DNAH17: variants seen among roughly 807,000 people sequenced by gnomAD.
DNAH17 encodes the protein dynein axonemal heavy chain 17.
Under a neutral mutation model 485.6 loss-of-function variants are expected in DNAH17, and 376 were observed. That is an observed-to-expected ratio of 0.77 (90% CI 0.71 to 0.84). DNAH17 has a LOEUF of 0.84. DNAH17 is among the 40% of genes least tolerant of loss of function. The pLI, the probability that DNAH17 is intolerant of heterozygous loss-of-function variation, is 0.00. For synonymous variants in DNAH17, 3,031 were observed against 2,405.9 expected (o/e 1.26, Z -7.60); for missense variants, 6,370 against 5,839.3 (o/e 1.09, Z -2.96).
chr17:78,451,669 T>G lies in DNAH17; in HGVS notation c.10534A>C (p.Ile3512Leu), dbSNP rs765744244. Reference protein sequence around the residue: ...GRNTIKKGKYIKIGDKEVEYH... With the variant: ...GRNTIKKGKYLKIGDKEVEYH... ...TCCACCTCCTTGTCACCGATCTTAA[T>G]GTACCTGGCGGTTGGTGGAGGAAAG... Residue 3512 changes from isoleucine to leucine, a missense_variant, in exon 66 of 81, where the codon ATT becomes CTT. Ile to Leu is a conservative substitution (Grantham distance 5, BLOSUM62 2). Transcript: ENST00000389840. 4 of 1,564,502 alleles carry G rather than the reference T, an allele frequency of 2.6e-6. No homozygotes were observed. The South Asian group carries it at 3.6e-5, about 14-fold the overall frequency.
chr17:78,459,345 C>CT, intron 60 of DNAH17, 137 bp from the exon 61 acceptor site: 1 of 821,850 alleles, frequency 1.2e-6, no homozygotes, highest in Non-Finnish European at 2.0e-6. Context: ...CAGGCTGGCC[C>CT]TAGAGGCCAC....
intron 42 of DNAH17, among the ~76,000 whole-genome samples, chr17:78,492,279 T>C (rs1271071148): frequency 6.6e-6 from 1 of 152,006 alleles, no homozygotes; most frequent in Non-Finnish European, 1.5e-5. Flanking sequence ...GCCCACCGAC[T>C]GAGGCCAGGG....
At chr17:78,519,480 C>G (rs1288554053) in intron 25 of DNAH17, among the ~76,000 whole-genome samples, 2 of 152,044 alleles carry the variant, frequency 1.3e-5, no homozygotes, top group Non-Finnish European at 2.9e-5. Flanking sequence ...AATAAAACAG[C>G]ACAAAAGTTA....
chr17:78,495,233 G>A, intron 38 of DNAH17, 136 bp from the exon 39 acceptor site: 1 of 1,180,044 alleles, frequency 8.5e-7, no homozygotes, highest in Non-Finnish European at 1.1e-6. Context: ...CTTCGGTCCT[G>A]GAGCCGGGCT....
In DNAH17 at chr17:78,530,296, G is replaced by A. The variant is rs1598651329; in HGVS notation, c.3284+47C>T. 3 of 1,548,624 alleles carry A rather than the reference G, an allele frequency of 1.9e-6. No homozygotes were observed. In the South Asian group the frequency reaches 3.6e-5, roughly 18 times the overall value. On this transcript the variant is annotated intron_variant, in intron 21 of 80. Transcript: ENST00000389840. ...CTCAAGTGGAAGGCCACTCCCTGGT[G>A]CTCTGCACATTCCTTGGGCTCCCCG...
intron 16 of DNAH17, among the ~76,000 whole-genome samples, chr17:78,546,862 G>A (rs949838901): frequency 5.1e-4 from 78 of 152,108 alleles, no homozygotes; most frequent in African/African-American, 1.8e-3. Context: ...CCGAGATTGT[G>A]CCATTGTACT....
chr17:78,550,615 A>T (rs1398425135), intron 16 of DNAH17, among the ~76,000 whole-genome samples: 6 of 152,268 alleles, frequency 3.9e-5, no homozygotes, highest in African/African-American at 7.2e-5. Context: ...CTAACCAGAG[A>T]GTCCTGGGGG....
At chr17:78,464,908 A>C (rs2088340002) in intron 56 of DNAH17, among the ~76,000 whole-genome samples, 2 of 152,194 alleles carry the variant, frequency 1.3e-5, no homozygotes, top group African/African-American at 4.8e-5. Context: ...TTTTAGCGCT[A>C]ATTTGATTTT....
At chr17:78,543,726 G>A (rs1055891719) in intron 17 of DNAH17, 131 bp downstream of exon 17, 7 of 1,377,254 alleles carry the variant, frequency 5.1e-6, no homozygotes, top group African/African-American at 2.8e-5. Context: ...CATCCAGCCA[G>A]GTCACAGACT....
At chr17:78,565,527 TGCCCAGGCC>T (rs1484152223) in intron 11 of DNAH17, among the ~76,000 whole-genome samples, 1 of 152,210 alleles carries the variant, frequency 6.6e-6, no homozygotes, top group Non-Finnish European at 1.5e-5. Context: ...CAGCCCAGGC[TGCCCAGGCC>T]AACCCAATTG....
intron 62 of DNAH17, among the ~76,000 whole-genome samples, chr17:78,457,657 CTTTTTTTTT>C (rs71160297): frequency 3.0e-5 from 2 of 66,786 alleles, no homozygotes; most frequent in Admixed American, 1.9e-4. Flanking sequence ...CCGTGCCTGG[CTTTTTTTTT>C]TTTTTTTTTT....
At chr17:78,566,835 G>T in intron 10 of DNAH17, 105 bp from the exon 11 acceptor site, 3 of 1,289,750 alleles carry the variant, frequency 2.3e-6, no homozygotes, top group African/African-American at 1.5e-5. Context: ...CTGAGGCGCA[G>T]CTGAATGTGC....
chr17:78,500,849 C>A, intron 35 of DNAH17: 1 of 240,832 alleles, frequency 4.2e-6, no homozygotes, highest in Non-Finnish European at 7.9e-6. Flanking sequence ...GGAGGAACCA[C>A]AACCGTGGAG....
At chr17:78,533,077 T>C (rs2091283821) in intron 19 of DNAH17, 1 of 216,312 alleles carries the variant, frequency 4.6e-6, no homozygotes, top group Non-Finnish European at 9.3e-6. Context: ...CCACGGGAAA[T>C]AGGAACCTTT....
rs369187985 is a variant in DNAH17, at chr17:78,470,136, C to T, written c.8512-1253G>A. Among the ~76,000 whole-genome samples, 6 of 138,898 alleles carry T rather than the reference C, an allele frequency of 4.3e-5. No homozygotes were observed. In the East Asian group the frequency reaches 6.4e-4, roughly 15 times the overall value. The allele number at this position is 138,898 out of a possible 152,430, so 91.1% of individuals were successfully genotyped here. On this transcript the variant is annotated intron_variant, in intron 54 of 80. Transcript: ENST00000389840. ...TTGCCCAGGCTGGAGTGCAGTGTCG[C>T]GATCTTGGCTCACTTCAACCTCCGC...
At position 78,501,824 on chromosome 17, in the gene DNAH17, G is replaced by T. The variant is rs781032791; in HGVS notation, c.5240C>A (p.Ala1747Asp). The T allele has an allele frequency of 5.0e-6, 8 of 1,613,896 alleles. No homozygotes were observed. The highest frequency in any genetic ancestry group is 6.8e-6 in the Non-Finnish European group (8 of 1,179,900). Residue 1747 changes from alanine to aspartate, a missense_variant, in exon 34 of 81, where the codon GCT (alanine) becomes GAT (aspartate). Physicochemically the swap from Ala to Asp is moderately radical, Grantham distance 126 (BLOSUM62 -2). Transcript: ENST00000389840. ...GGTCATGATCTTCATCCTGTCGCCA[G>T]CGTTGAGGTTCCCCATGAGCAGCGT... ...LITLLMGNLN[A>D]GDRMKIMTIC...
intron 15 of DNAH17, 31 bp from the exon 16 acceptor site, chr17:78,551,669 A>C: frequency 6.2e-7 from 1 of 1,608,940 alleles, no homozygotes; most frequent in Non-Finnish European, 8.5e-7. Context: ...AATCTTACAA[A>C]ATGAACAATT....
At chr17:78,499,802 T>G (rs1272411877) in intron 36 of DNAH17, 2 of 153,844 alleles carry the variant, frequency 1.3e-5, no homozygotes, top group Non-Finnish European at 2.9e-5. Context: ...TCCATCCCCC[T>G]TGCCTTCCCG....
intron 71 of DNAH17, 82 bp from the exon 72 acceptor site, chr17:78,441,281 C>T (rs2087065441): frequency 6.6e-7 from 1 of 1,505,720 alleles, no homozygotes; most frequent in South Asian, 1.2e-5. Flanking sequence ...GTGGCCCAGG[C>T]AGGGGGGCCA....
Sources: allele counts gnomAD v4.1 joint callset (sites outside exome capture counted in the v4.1 genomes callset), GRCh38; gene constraint gnomAD v4.1.1; transcripts MANE v1.5; gene names NCBI Gene and HGNC (gene_info 2026-07-23, HGNC 2026-07-21).